MAPT: variants seen among roughly 807,000 people sequenced by gnomAD.
MAPT encodes the protein microtubule-associated protein tau.
Under a neutral mutation model 67.9 loss-of-function variants are expected in MAPT, and 34 were observed. That is an observed-to-expected ratio of 0.50 (90% confidence interval 0.38 to 0.67). The LOEUF (loss-of-function observed/expected upper bound fraction) is 0.67. MAPT is among the 30% of genes least tolerant of loss of function. The pLI, the probability that MAPT is intolerant of heterozygous loss-of-function variation, is 0.00. For missense variants in MAPT, 881 were observed against 1,115.2 expected, an observed-to-expected ratio of 0.79 and a Z score of 2.99; for synonymous variants, 456 against 464.5, an observed-to-expected ratio of 0.98 and a Z score of 0.23.
At chr17:46,022,520 T>C (rs1175284603) in intron 12 of MAPT, among the ~76,000 whole-genome samples, 3 of 152,112 alleles carry the variant, frequency 2.0e-5, no homozygotes, top group African/African-American at 7.2e-5. Context: ...TCACCCCGCA[T>C]CCATGGACTC....
In MAPT at chr17:45,994,306, A is replaced by G. The variant is rs999734352; in HGVS notation, c.1733-2093A>G. On this transcript the variant is annotated intron_variant, in intron 8 of 12. Coordinates refer to ENST00000262410, the MANE Select transcript of MAPT (RefSeq NM_001377265.1). ...GGTGACTTGCCCACGACCACTCTGT[A>G]AATAAGAGGCATGAAAAGTATTTGG... Among the ~76,000 whole-genome samples, 4 of 152,122 alleles carry G rather than the reference A, an allele frequency of 2.6e-5. No individual in the cohort carries two copies. In the South Asian group the frequency reaches 6.2e-4, roughly 24 times the overall value.
At chr17:45,966,601 T>C (rs865972293) in intron 2 of MAPT, among the ~76,000 whole-genome samples, 1 of 152,040 alleles carries the variant, frequency 6.6e-6, no homozygotes, top group Non-Finnish European at 1.5e-5. Context: ...AAAACAAAAA[T>C]GAAATAAAGT....
At chr17:45,958,431 TGA>T (rs1438160847) in intron 1 of MAPT, among the ~76,000 whole-genome samples, 4 of 152,148 alleles carry the variant, frequency 2.6e-5, no homozygotes, top group Non-Finnish European at 5.9e-5. Flanking sequence ...GCAAAAAGAA[TGA>T]GAGTGGGTCG....
intron 4 of MAPT, among the ~76,000 whole-genome samples, chr17:45,982,015 T>G (rs2073002155): frequency 1.6e-5 from 2 of 122,186 alleles, no homozygotes; most frequent in African/African-American, 6.0e-5. Context: ...CGAGACCCTG[T>G]CTCAAAAAAA....
chr17:45,968,857 T>G (rs1236625790), intron 2 of MAPT, among the ~76,000 whole-genome samples: 3 of 152,220 alleles, frequency 2.0e-5, no homozygotes, highest in Non-Finnish European at 4.4e-5. Context: ...CCAGGCATGG[T>G]ACAAAGTGCT....
chr17:45,915,955 A>C lies in MAPT; in HGVS notation c.-18+21269A>C, dbSNP rs978118176. Among the ~76,000 whole-genome samples, 7 of 151,908 alleles carry C rather than the reference A, an allele frequency of 4.6e-5. No individual in the cohort carries two copies. The highest frequency in any genetic ancestry group is 1.7e-4 in the African/African-American group (7 of 41,344). ...ATGACCACATTTCATCCTCCCAGCC[A>C]CTCTGGGCCAGGTGGCACTGCTGGT... is the stretch of plus-strand genomic sequence containing the variant. On this transcript the variant is annotated intron_variant, in intron 1 of 12. Coordinates refer to ENST00000262410, the MANE Select transcript of MAPT (RefSeq NM_001377265.1). The surrounding 1 kb of genome is among the most constrained non-coding windows in gnomAD (Gnocchi z 4.4).
chr17:45,968,933 C>T (rs1408616998), intron 2 of MAPT, among the ~76,000 whole-genome samples: 2 of 152,212 alleles, frequency 1.3e-5, no homozygotes, highest in Non-Finnish European at 2.9e-5. Flanking sequence ...TACTACTATG[C>T]CCATTATACA....
Position 45,897,866 on chromosome 17 carries a change from C to T in MAPT, c.-18+3180C>T, listed in dbSNP as rs2063364633. The T allele has an allele frequency of 6.6e-6, 1 of 152,246 alleles. No homozygotes were observed. The highest frequency in any genetic ancestry group is 1.5e-5 in the Non-Finnish European group (1 of 68,094). 9.4% of individuals were successfully genotyped at this position (152,246 alleles called of 1,614,324 possible). A position where few individuals can be genotyped will look rare whatever the true frequency, so the allele number is the denominator to read the frequency against. Reference sequence around the variant, plus strand: ...ATCCCCCTCGGCCCCTTAACTGACCCATCCTACAGGAGACAGGGAAATGTC... The same window carrying T: ...ATCCCCCTCGGCCCCTTAACTGACCTATCCTACAGGAGACAGGGAAATGTC... On this transcript the variant is annotated intron_variant, in intron 1 of 12. Transcript: ENST00000262410. The surrounding 1 kb of genome is among the most constrained non-coding windows in gnomAD (Gnocchi z 5.0).
Position 45,983,300 on chromosome 17 carries a change from G to T in MAPT, c.721G>T (p.Ala241Ser). ...CCTCCTGCCTGAGGGCCCCAGAGAG[G>T]CCACACGCCAACCTTCGGGGACAGG... ...APLLPEGPRE[A>S]TRQPSGTGPE... Residue 241 changes from alanine to serine, a missense_variant, in exon 5 of 13, where the codon GCC (alanine) becomes TCC (serine). Coordinates refer to ENST00000262410, the MANE Select transcript of MAPT (RefSeq NM_001377265.1). The T allele has an allele frequency of 6.3e-7, 1 of 1,599,574 alleles. No homozygotes were observed. The highest frequency in any genetic ancestry group is 8.5e-7 in the Non-Finnish European group (1 of 1,173,662).
intron 1 of MAPT, among the ~76,000 whole-genome samples, chr17:45,949,062 C>T (rs1201656092): frequency 6.6e-6 from 1 of 152,226 alleles, no homozygotes; most frequent in East Asian, 1.9e-4. Context: ...AAAATGTTTC[C>T]GGTATATTCA....
chr17:45,919,869 C>T (rs2065531138), intron 1 of MAPT, among the ~76,000 whole-genome samples: 1 of 152,234 alleles, frequency 6.6e-6, no homozygotes, highest in Non-Finnish European at 1.5e-5. Flanking sequence ...GCTATGCTGG[C>T]ACCACAGCAC....
intron 6 of MAPT, 41 bp downstream of exon 6, chr17:45,987,136 T>G (rs538442832): frequency 6.3e-7 from 1 of 1,590,092 alleles, no homozygotes; most frequent in East Asian, 2.2e-5. Context: ...CTGGTCAAGT[T>G]TACAGAGAAG....
intron 1 of MAPT, among the ~76,000 whole-genome samples, chr17:45,927,493 T>C (rs1406464819): frequency 2.6e-5 from 4 of 152,140 alleles, no homozygotes; most frequent in African/African-American, 9.7e-5. Flanking sequence ...GTGACTCTAC[T>C]AAGGCCAGGC....
intron 9 of MAPT, among the ~76,000 whole-genome samples, chr17:46,009,711 G>C (rs1390224232): frequency 1.3e-5 from 2 of 152,228 alleles, no homozygotes; most frequent in Non-Finnish European, 2.9e-5. Context: ...AAACCTGGCT[G>C]TGTGTCAGAA....
Position 46,024,253 on chromosome 17 carries a change from C to A in MAPT, c.*82C>A. Reference sequence around the variant, plus strand: ...AAAAAAAGAATAATGACCCGGCCCCCGCCCTCTGCCCCCAGCTGCTCCTCG... The same window carrying A: ...AAAAAAAGAATAATGACCCGGCCCCAGCCCTCTGCCCCCAGCTGCTCCTCG... On this transcript the variant is annotated 3_prime_UTR_variant, in exon 13 of 13. Transcript: ENST00000262410. The A allele has an allele frequency of 8.1e-7, 1 of 1,235,030 alleles. No homozygotes were observed. The highest frequency in any genetic ancestry group is 1.2e-5 in the South Asian group (1 of 81,126). 76.5% of individuals were successfully genotyped at this position (1,235,030 alleles called of 1,614,324 possible).
intron 2 of MAPT, among the ~76,000 whole-genome samples, chr17:45,965,072 G>T (rs570120143): frequency 1.3e-5 from 2 of 152,254 alleles, no homozygotes; most frequent in East Asian, 3.9e-4. Context: ...CTCTCACCAG[G>T]TGCCTGGGAC....
chr17:45,992,444 G>A (rs935725837), intron 8 of MAPT, among the ~76,000 whole-genome samples: 1 of 152,168 alleles, frequency 6.6e-6, no homozygotes, highest in African/African-American at 2.4e-5. Flanking sequence ...AACTTGCTAG[G>A]GACGTTAGGA....
At chr17:45,920,323 T>A (rs1226345200) in intron 1 of MAPT, among the ~76,000 whole-genome samples, 1 of 152,214 alleles carries the variant, frequency 6.6e-6, no homozygotes, top group Non-Finnish European at 1.5e-5. Flanking sequence ...AGCTAACATG[T>A]TCCTGAGTCC....
At chr17:45,939,190 C>G (rs758164712) in intron 1 of MAPT, among the ~76,000 whole-genome samples, 9 of 152,070 alleles carry the variant, frequency 5.9e-5, no homozygotes, top group Admixed American at 2.6e-4. Context: ...AACTCCTGGG[C>G]TCAAGCAAAC....
Sources: gnomAD v4.1 joint callset for allele counts (sites outside exome capture counted in the v4.1 genomes callset) on GRCh38, gnomAD v4.1.1 for gene constraint, Gnocchi (gnomAD v3.1) non-coding constraint, MANE v1.5 for transcripts, NCBI Gene and HGNC (gene_info 2026-07-23, HGNC 2026-07-21) for gene names.